CD109: variants seen among roughly 807,000 people sequenced by gnomAD.
The protein encoded by CD109 is CD109 molecule.
CD109 carries 149 observed loss-of-function variants against 165.8 expected under a neutral mutation model. That is an observed-to-expected ratio of 0.90 (90% CI 0.79 to 1.03). The LOEUF (loss-of-function observed/expected upper bound fraction) is 1.03, where lower values mean the gene tolerates loss of function less well. Among genes scored for constraint, CD109 ranks in the 50% least tolerant of loss-of-function variants. The pLI is 0.00. For missense variants in CD109, 1,712 were observed against 1,677.8 expected, an observed-to-expected ratio of 1.02 and a Z score of -0.36; for synonymous variants, 585 against 592.1, an observed-to-expected ratio of 0.99 and a Z score of 0.18.
chr6:73,766,667 A>G, intron 11 of CD109, 92 bp from the exon 12 acceptor site: 1 of 862,190 alleles, frequency 1.2e-6, no homozygotes, highest in Non-Finnish European at 1.9e-6. Flanking sequence ...GTGAAGATGA[A>G]TTTGGTCTTT....
At chr6:73,791,749 T>C (rs770757733) in intron 22 of CD109, among the ~76,000 whole-genome samples, 9 of 152,246 alleles carry the variant, frequency 5.9e-5, no homozygotes, top group Non-Finnish European at 7.3e-5. Flanking sequence ...GTGGTAATAA[T>C]ATAACCTCTA....
intron 16 of CD109, 109 bp from the exon 17 acceptor site, chr6:73,781,150 A>G: frequency 1.3e-6 from 1 of 778,448 alleles, no homozygotes; most frequent in Non-Finnish European, 2.1e-6. Context: ...TGTATACCTA[A>G]GCTCTCAAAA....
In CD109 at chr6:73,711,072, C is replaced by G. The variant is rs539150398; in HGVS notation, c.248-12179C>G. ...GAACTGTACAAAAAACAGGCGTGGG[C>G]CAGACTGGATCTGTAGGCTGTGGAT... is the stretch of plus-strand genomic sequence containing the variant. On this transcript the variant is annotated intron_variant, in intron 2 of 32. Transcript: ENST00000287097. Among the ~76,000 whole-genome samples the G allele has an allele frequency of 5.9e-5, 9 of 152,292 alleles. No individual in the cohort carries two copies. The East Asian group carries it at 1.7e-3, about 29-fold the overall frequency.
chr6:73,815,193 AG>A, intron 30 of CD109, 70 bp downstream of exon 30: 3 of 1,286,052 alleles, frequency 2.3e-6, no homozygotes, highest in Non-Finnish European at 3.2e-6. Flanking sequence ...AATTATGTAT[AG>A]TTGTCTATAT....
intron 24 of CD109, among the ~76,000 whole-genome samples, chr6:73,804,831 ACT>A (rs1775507829): frequency 6.6e-6 from 1 of 152,152 alleles, no homozygotes; most frequent in African/African-American, 2.4e-5. Flanking sequence ...AATTTATTTA[ACT>A]CTCTTGGACT....
Position 73,710,489 on chromosome 6 carries a change from A to C in CD109, c.248-12762A>C, listed in dbSNP as rs553852004. ...CATTCCATGCTCATGGGTAGGAAGAATCAATATCTTGAAAATGGCCATACT... is the reference window on the plus strand; with the variant it reads ...CATTCCATGCTCATGGGTAGGAAGACTCAATATCTTGAAAATGGCCATACT... On this transcript the variant is annotated intron_variant, in intron 2 of 32. Transcript: ENST00000287097. Among the ~76,000 whole-genome samples, 75 of 152,356 alleles carry C rather than the reference A, an allele frequency of 4.9e-4. 1 individual carries two copies. The East Asian group carries it at 0.012, about 23-fold the overall frequency.
At position 73,737,934 on chromosome 6, in the gene CD109, G is replaced by GTCCATCCATCCATCCA. The variant is rs368013201; in HGVS notation, c.633+1440_633+1441insCATCCATCCATCCATC. 1.8e-3 allele frequency among the ~76,000 whole-genome samples: 271 copies of GTCCATCCATCCATCCA among 151,920 alleles called. 1 individual carries two copies. Among genetic ancestry groups the GTCCATCCATCCATCCA allele is most frequent in the African/African-American group, 6.2e-3 (258 of 41,456 alleles). ...AAATTCTTAAGAATCACTTTTTTTG[G>GTCCATCCATCCATCCA]TCCATCCATCCATCGATCCTTCTAT... On this transcript the variant is annotated intron_variant, in intron 5 of 32. Coordinates refer to ENST00000287097, the MANE Select transcript of CD109 (RefSeq NM_133493.5).
At chr6:73,710,557 CATTT>C (rs975371741) in intron 2 of CD109, among the ~76,000 whole-genome samples, 4 of 151,892 alleles carry the variant, frequency 2.6e-5, no homozygotes, top group Non-Finnish European at 4.4e-5. Context: ...ATCTTTAAAA[CATTT>C]ATCACAATGC....
intron 22 of CD109, among the ~76,000 whole-genome samples, chr6:73,791,259 C>T (rs1284034372): frequency 8.7e-6 from 1 of 114,456 alleles, no homozygotes; most frequent in Non-Finnish European, 1.8e-5. Flanking sequence ...GCTATGTTTG[C>T]CCCAGGCTGG....
intron 20 of CD109, among the ~76,000 whole-genome samples, chr6:73,786,162 G>A (rs532226906): frequency 6.6e-6 from 1 of 152,190 alleles, no homozygotes; most frequent in South Asian, 2.1e-4. Flanking sequence ...TAGCCCCCAT[G>A]TTTATATTTT....
At chr6:73,799,770 C>T (rs1305939344) in intron 23 of CD109, among the ~76,000 whole-genome samples, 3 of 152,048 alleles carry the variant, frequency 2.0e-5, no homozygotes, top group Non-Finnish European at 4.4e-5. Flanking sequence ...TACCAGTAAC[C>T]TACTTCATTA....
Position 73,812,212 on chromosome 6 carries a change from T to C in CD109, c.3710T>C (p.Val1237Ala), listed in dbSNP as rs775517063. The stretch of plus-strand genomic sequence containing the variant: ...TTTTTCACCTTGATTCAGCTTGCTG[T>C]GGTACAGCCAACGGCAGTTAATATT... ...RLLLQTAELA[V>A]VQPTAVNISA... Residue 1237 changes from valine (V) to alanine (A), a missense_variant, in exon 29 of 33, where the codon GTG (valine) becomes GCG (alanine). Coordinates refer to ENST00000287097, the MANE Select transcript of CD109 (RefSeq NM_133493.5). 6.2e-7 allele frequency: 1 copy of C among 1,609,144 alleles called. No individual in the cohort carries two copies. The highest frequency in any genetic ancestry group is 1.1e-5 in the South Asian group (1 of 90,236).
the CD109 span, among the ~76,000 whole-genome samples, chr6:73,689,407 G>T: frequency 6.6e-6 from 1 of 152,214 alleles, no homozygotes; most frequent in Non-Finnish European, 1.5e-5. Context: ...AATTGACTTA[G>T]AGGATGCTCA....
intron 2 of CD109, among the ~76,000 whole-genome samples, chr6:73,719,003 A>G (rs1771847391): frequency 6.6e-6 from 1 of 152,192 alleles, no homozygotes; most frequent in African/African-American, 2.4e-5. Context: ...AAAGAAAGAG[A>G]AACAGGTGAA....
chr6:73,764,834 C>A (rs867790950), intron 10 of CD109, among the ~76,000 whole-genome samples: 5,453 of 139,506 alleles, frequency 0.039, 135 homozygotes, highest in Non-Finnish European at 0.052. Flanking sequence ...AAAAAAAAAA[C>A]AACTAAAACG....
At chr6:73,802,455 G>A (rs1340077775) in intron 23 of CD109, among the ~76,000 whole-genome samples, 3 of 151,028 alleles carry the variant, frequency 2.0e-5, no homozygotes, top group Non-Finnish European at 4.4e-5. Context: ...TGTATTGCTG[G>A]TCTAAGAATA....
At position 73,794,682 on chromosome 6, in the gene CD109, G is replaced by C. The variant is rs574746261; in HGVS notation, c.2878+1880G>C. 5.9e-5 allele frequency among the ~76,000 whole-genome samples: 9 copies of C among 152,254 alleles called. No individual in the cohort carries two copies. The South Asian group carries it at 1.9e-3, about 32-fold the overall frequency. On this transcript the variant is annotated intron_variant, in intron 23 of 32. Transcript: ENST00000287097. ...GACCAGCGTTTAGAATCAGGGCTGAGTGTGGCCTGAGTTCTGATGTGGGGA... is the reference window on the plus strand; with the variant it reads ...GACCAGCGTTTAGAATCAGGGCTGACTGTGGCCTGAGTTCTGATGTGGGGA...
intron 2 of CD109, among the ~76,000 whole-genome samples, chr6:73,721,657 G>A (rs1771954748): frequency 6.6e-6 from 1 of 151,704 alleles, no homozygotes; most frequent in Admixed American, 6.6e-5. Flanking sequence ...AGCCACCCAC[G>A]CCCGGCCAGT....
rs1262801936 is a variant in CD109 at position 73,771,554 on chromosome 6, T to C, written c.1800T>C (p.Asn600=). The C allele has an allele frequency of 6.3e-7, 1 of 1,598,130 alleles. No homozygotes were observed. The highest frequency in any genetic ancestry group is 8.5e-7 in the Non-Finnish European group (1 of 1,174,222). Residue 600 remains asparagine, a synonymous_variant, in exon 15 of 33, where the codon AAT becomes AAC. Transcript: ENST00000287097. Reference sequence around the variant, plus strand: ...TTGACAAAAGTGTGAATCTGATGAATGCCTCTAATGATATTACAATGGAAA... The same window carrying C: ...TTGACAAAAGTGTGAATCTGATGAACGCCTCTAATGATATTACAATGGAAA... ...VAVDKSVNLM[N]ASNDITMENV...
Sources: gnomAD v4.1 joint callset for allele counts (sites outside exome capture counted in the v4.1 genomes callset) on GRCh38, gnomAD v4.1.1 for gene constraint, MANE v1.5 for transcripts, NCBI Gene and HGNC (gene_info 2026-07-23, HGNC 2026-07-21) for gene names.